KCNN2: variants seen among roughly 807,000 people sequenced by gnomAD.
KCNN2 encodes the protein potassium calcium-activated channel subfamily N member 2, also known as small conductance calcium-activated potassium channel protein 2.
Under a neutral mutation model 55.5 loss-of-function variants are expected in KCNN2, and 24 were observed. The ratio of observed to expected loss-of-function variants is 0.43; its 90% CI spans 0.31 to 0.61. The LOEUF (loss-of-function observed/expected upper bound fraction) is 0.61, where lower values mean the gene tolerates loss of function less well. Among genes scored for constraint, KCNN2 ranks in the 20% least tolerant of loss-of-function variants. The pLI is 0.08. For synonymous variants in KCNN2, 431 were observed against 336.1 expected, an observed-to-expected ratio of 1.28 and a Z score of -3.09; for missense variants, 754 against 853.6, an observed-to-expected ratio of 0.88 and a Z score of 1.45.
At chr5:114,365,155 A>G (rs1412927237) in intron 2 of KCNN2, among the ~76,000 whole-genome samples, 1 of 152,206 alleles carries the variant, frequency 6.6e-6, no homozygotes, top group Non-Finnish European at 1.5e-5. Context: ...CATTACTCCA[A>G]GTGCAGAGGG....
rs28556614 is a variant in KCNN2 at position 114,119,317 on chromosome 5, A to T, written c.-271+62817A>T. ...GTTCAAACAACCAAATCGTACTTAGATACACAAAAGTCTGATAAATTAGGG... is the reference window on the plus strand; with the variant it reads ...GTTCAAACAACCAAATCGTACTTAGTTACACAAAAGTCTGATAAATTAGGG... On this transcript the variant is annotated intron_variant, in intron 1 of 10. Transcript: ENST00000512097. Among the ~76,000 whole-genome samples, 246 of 152,314 alleles carry T rather than the reference A, an allele frequency of 1.6e-3. 1 individual carries two copies. Among genetic ancestry groups the T allele is most frequent in the African/African-American group, 5.6e-3 (234 of 41,566 alleles).
upstream of KCNN2, chr5:114,056,038 C>T (rs1009510446): frequency 5.2e-5 from 13 of 251,792 alleles, no homozygotes; most frequent in Non-Finnish European, 7.5e-5. Flanking sequence ...TCGCTCCTGC[C>T]AGCCAAGGAC....
At chr5:114,470,395 T>C (rs535765295) in intron 4 of KCNN2, among the ~76,000 whole-genome samples, 15 of 152,214 alleles carry the variant, frequency 9.9e-5, no homozygotes, top group African/African-American at 3.1e-4. Flanking sequence ...TAGAACCCAG[T>C]GATTGAGGAG....
intron 1 of KCNN2, among the ~76,000 whole-genome samples, chr5:114,112,131 T>C (rs1580524428): frequency 6.6e-6 from 1 of 152,048 alleles, no homozygotes; most frequent in Non-Finnish European, 1.5e-5. Context: ...ATATACAACA[T>C]GGAATACAAT....
At chr5:114,465,886 G>T (rs1761423917) in intron 4 of KCNN2, among the ~76,000 whole-genome samples, 1 of 152,146 alleles carries the variant, frequency 6.6e-6, no homozygotes, top group African/African-American at 2.4e-5. Flanking sequence ...TGTAGAGTTG[G>T]ATTATCTCTT....
rs114151512 is a variant in KCNN2, at chr5:114,286,008, G to A, written c.-185+64443G>A. Among the ~76,000 whole-genome samples, 495 of 150,350 alleles carry A rather than the reference G, an allele frequency of 3.3e-3. 1 individual carries two copies. The highest frequency in any genetic ancestry group is 8.5e-3 in the African/African-American group (345 of 40,812). ...GATCTCGACTCACAGCAACCTCCTC[G>A]TCCTGGGTTCAAGCGATTATCCTGT... On this transcript the variant is annotated intron_variant, in intron 2 of 10. Coordinates refer to the KCNN2 transcript ENST00000512097.
intron 2 of KCNN2, among the ~76,000 whole-genome samples, chr5:114,240,987 T>G (rs187666275): frequency 6.6e-6 from 1 of 152,262 alleles, no homozygotes. Context: ...ATATAAAAAT[T>G]AATAGCTTTT....
chr5:114,089,973 A>T (rs1040671657), intron 1 of KCNN2, among the ~76,000 whole-genome samples: 3 of 152,168 alleles, frequency 2.0e-5, no homozygotes, highest in Non-Finnish European at 2.9e-5. Flanking sequence ...AATGTATTCT[A>T]TGTGATGTGG....
At chr5:114,359,773 TG>T (rs1757368824), upstream of KCNN2, among the ~76,000 whole-genome samples, 8 of 152,246 alleles carry the variant, frequency 5.3e-5, no homozygotes, top group Admixed American at 5.2e-4. Flanking sequence ...GTATAGCAAC[TG>T]GAAAGCTACA....
chr5:114,385,519 GCACACACACACACACACACA>G (rs10548694), intron 2 of KCNN2, among the ~76,000 whole-genome samples: 10 of 143,354 alleles, frequency 7.0e-5, no homozygotes, highest in Admixed American at 6.3e-4. Flanking sequence ...ACACATGCGC[GCACACACACACACACACACA>G]CACACACACA....
At chr5:114,227,812 A>C (rs1030822030) in intron 2 of KCNN2, among the ~76,000 whole-genome samples, 1 of 152,188 alleles carries the variant, frequency 6.6e-6, no homozygotes, top group Non-Finnish European at 1.5e-5. Flanking sequence ...GCAAGGTTGC[A>C]GTGAAGAGTA....
rs141695254 is a variant in KCNN2 at position 114,486,590 on chromosome 5, A to G, written c.1891-460A>G. ...CTATCAGTGCTGGATGTACTTATACATTCAGCACTGGAAACATGCCCTTCC... is the reference window on the plus strand; with the variant it reads ...CTATCAGTGCTGGATGTACTTATACGTTCAGCACTGGAAACATGCCCTTCC... On this transcript the variant is annotated intron_variant, in intron 5 of 7. Coordinates refer to ENST00000673685, the MANE Select transcript of KCNN2 (RefSeq NM_021614.4). 3,609 of 416,064 alleles carry G rather than the reference A, an allele frequency of 8.7e-3. 25 individuals carry two copies. Among genetic ancestry groups the G allele is most frequent in the Admixed American group, 0.013 (344 of 26,724 alleles). 25.8% of individuals were successfully genotyped at this position (416,064 alleles called of 1,614,324 possible). A position where few individuals can be genotyped will look rare whatever the true frequency, so the allele number is the denominator to read the frequency against.
intron 2 of KCNN2, among the ~76,000 whole-genome samples, chr5:114,285,664 A>G (rs1755729578): frequency 6.6e-6 from 1 of 152,170 alleles, no homozygotes; most frequent in Non-Finnish European, 1.5e-5. Context: ...TTTGATGTGA[A>G]TATACATTGA....
At chr5:114,465,568 C>T (rs768542965) in intron 4 of KCNN2, among the ~76,000 whole-genome samples, 23 of 151,352 alleles carry the variant, frequency 1.5e-4, no homozygotes, top group Middle Eastern at 3.4e-3. Flanking sequence ...GCCGAGATTG[C>T]GCCATGGCAC....
At chr5:114,194,255 A>C (rs1753506652) in intron 1 of KCNN2, among the ~76,000 whole-genome samples, 2 of 152,112 alleles carry the variant, frequency 1.3e-5, no homozygotes, top group Non-Finnish European at 2.9e-5. Flanking sequence ...CTATTTGTTT[A>C]ATCGTTTGAA....
intron 2 of KCNN2, among the ~76,000 whole-genome samples, chr5:114,369,109 A>T (rs986140466): frequency 6.6e-6 from 1 of 152,170 alleles, no homozygotes; most frequent in Non-Finnish European, 1.5e-5. Flanking sequence ...ATGGAAAGGT[A>T]TTGCCCACTA....
At chr5:114,465,828 G>T (rs1761420541) in intron 4 of KCNN2, among the ~76,000 whole-genome samples, 2 of 152,190 alleles carry the variant, frequency 1.3e-5, no homozygotes, top group South Asian at 4.1e-4. Context: ...TGGTTTACTT[G>T]CATACAGAGA....
At chr5:114,382,818 T>A (rs571222787) in intron 2 of KCNN2, among the ~76,000 whole-genome samples, 1 of 152,336 alleles carries the variant, frequency 6.6e-6, no homozygotes, top group East Asian at 1.9e-4. Flanking sequence ...CTCCAAGGAT[T>A]AGCAGCTTGC....
intron 3 of KCNN2, among the ~76,000 whole-genome samples, chr5:114,412,287 A>G (rs1759160772): frequency 6.6e-6 from 1 of 152,250 alleles, no homozygotes; most frequent in Non-Finnish European, 1.5e-5. Context: ...ATAGGATGGT[A>G]GTTGTTTACA....
Sources: gnomAD v4.1 joint callset for allele counts (sites outside exome capture counted in the v4.1 genomes callset) on GRCh38, gnomAD v4.1.1 for gene constraint, MANE v1.5 for transcripts, NCBI Gene and HGNC (gene_info 2026-07-23, HGNC 2026-07-21) for gene names.